SHISA9: variants seen among roughly 807,000 people sequenced by gnomAD.
SHISA9 encodes the protein shisa family member 9.
Under a neutral mutation model 38.0 loss-of-function variants are expected in SHISA9, and 13 were observed. The observed-to-expected ratio is 0.34, with a 90% CI of 0.22 to 0.54. The LOEUF (loss-of-function observed/expected upper bound fraction) is 0.54, where lower values mean the gene tolerates loss of function less well. Ranked by LOEUF, SHISA9 falls within the 20% of genes least tolerant of loss-of-function variation. The pLI, the probability that SHISA9 is intolerant of heterozygous loss-of-function variation, is 0.91. For synonymous variants in SHISA9, 275 were observed against 242.0 expected (o/e 1.14, Z -1.27); for missense variants, 538 against 575.8 (o/e 0.93, Z 0.67).
At chr16:13,064,180 C>T (rs2073407764) in intron 2 of SHISA9, among the ~76,000 whole-genome samples, 1 of 152,160 alleles carries the variant, frequency 6.6e-6, no homozygotes, top group African/African-American at 2.4e-5. Context: ...TATTTTGACT[C>T]AACTTTTGCA....
At chr16:13,366,973 G>T in the SHISA9 span, among the ~76,000 whole-genome samples, 1 of 121,520 alleles carries the variant, frequency 8.2e-6, no homozygotes, top group African/African-American at 3.1e-5. Flanking sequence ...ACAGGGTGAG[G>T]CTCCATCTCA....
the SHISA9 span, among the ~76,000 whole-genome samples, chr16:13,467,830 C>G: frequency 1.3e-5 from 2 of 152,318 alleles, no homozygotes; most frequent in South Asian, 4.1e-4. Flanking sequence ...CACCTAACAC[C>G]AGGTTCATTT....
chr16:13,205,672 C>T (rs961582670), intron 3 of SHISA9, among the ~76,000 whole-genome samples: 1 of 152,224 alleles, frequency 6.6e-6, no homozygotes, highest in African/African-American at 2.4e-5. Flanking sequence ...TTCTCCAGAG[C>T]TCCCTGGTCT....
chr16:13,150,783 A>T (rs1204837447), intron 2 of SHISA9, among the ~76,000 whole-genome samples: 1 of 152,196 alleles, frequency 6.6e-6, no homozygotes, highest in African/African-American at 2.4e-5. Flanking sequence ...TTAACCCTTG[A>T]TTTACTTAGT....
chr16:13,391,334 G>A, the SHISA9 span, among the ~76,000 whole-genome samples: 7 of 152,152 alleles, frequency 4.6e-5, no homozygotes, highest in Admixed American at 4.6e-4. Flanking sequence ...CTGAGGTCTT[G>A]CCTTTGTAAG....
chr16:13,541,010 T>G, the SHISA9 span, among the ~76,000 whole-genome samples: 2 of 152,164 alleles, frequency 1.3e-5, no homozygotes, highest in African/African-American at 4.8e-5. Flanking sequence ...ACAGACCTAC[T>G]ACCCGGGTGT....
intron 2 of SHISA9, among the ~76,000 whole-genome samples, chr16:13,079,151 C>T (rs973397030): frequency 6.6e-6 from 1 of 152,164 alleles, no homozygotes; most frequent in Non-Finnish European, 1.5e-5. Context: ...ATGCCGAGCA[C>T]AGCCCTTGGC....
chr16:13,462,231 C>T, the SHISA9 span, among the ~76,000 whole-genome samples: 8 of 151,720 alleles, frequency 5.3e-5, no homozygotes, highest in Admixed American at 2.6e-4. Flanking sequence ...CATGGTGAGA[C>T]CCCTACCTCT....
the SHISA9 span, among the ~76,000 whole-genome samples, chr16:13,498,566 G>A: frequency 1.3e-5 from 2 of 152,124 alleles, no homozygotes; most frequent in African/African-American, 4.8e-5. Context: ...AGACCAACCT[G>A]ACCGACACGG....
the SHISA9 span, among the ~76,000 whole-genome samples, chr16:13,442,111 C>G: frequency 6.6e-6 from 1 of 152,224 alleles, no homozygotes; most frequent in African/African-American, 2.4e-5. Flanking sequence ...AGCACATTGC[C>G]AGATCTTCCA....
At chr16:13,091,055 T>A (rs1205064017) in intron 2 of SHISA9, among the ~76,000 whole-genome samples, 2 of 152,236 alleles carry the variant, frequency 1.3e-5, no homozygotes, top group Non-Finnish European at 2.9e-5. Flanking sequence ...CCTTCATTTA[T>A]GAAGCTTAGT....
At chr16:13,062,429 A>G (rs918065908) in intron 2 of SHISA9, among the ~76,000 whole-genome samples, 1 of 152,206 alleles carries the variant, frequency 6.6e-6, no homozygotes, top group African/African-American at 2.4e-5. Context: ...TGTGTGACCT[A>G]GAGCAGATTG....
chr16:13,221,821 C>T (rs1345119768), intron 4 of SHISA9, among the ~76,000 whole-genome samples: 3 of 152,158 alleles, frequency 2.0e-5, no homozygotes, highest in Non-Finnish European at 2.9e-5. Context: ...TCCCAGCTAA[C>T]CCCTGGTTCA....
At chr16:13,372,253 G>A in the SHISA9 span, among the ~76,000 whole-genome samples, 5 of 152,274 alleles carry the variant, frequency 3.3e-5, no homozygotes, top group East Asian at 9.7e-4. Flanking sequence ...TTAAACCTCA[G>A]AGTTATTAAA....
rs1431660980 is a variant in SHISA9 at position 13,239,038 on chromosome 16, A to G, written c.*3629A>G. On this transcript the variant is annotated 3_prime_UTR_variant, in exon 5 of 5. Transcript: ENST00000558583. ...GTGTGATGTTCCCCTTCTTGTGTCCATGTGTTCTCATTGTTCAATTCCCAT... is the reference window on the plus strand; with the variant it reads ...GTGTGATGTTCCCCTTCTTGTGTCCGTGTGTTCTCATTGTTCAATTCCCAT... 1 of 121,164 alleles carries G rather than the reference A, an allele frequency of 8.3e-6. No homozygotes were observed. The highest frequency in any genetic ancestry group is 2.6e-4 in the East Asian group (1 of 3,914). 7.5% of individuals were successfully genotyped at this position (121,164 alleles called of 1,614,324 possible).
chr16:13,150,369 C>T (rs992527659), intron 2 of SHISA9, among the ~76,000 whole-genome samples: 2 of 152,126 alleles, frequency 1.3e-5, no homozygotes, highest in Non-Finnish European at 2.9e-5. Flanking sequence ...ACTTGGGTTT[C>T]CTCTGATCTG....
chr16:13,417,855 G>A, the SHISA9 span, among the ~76,000 whole-genome samples: 193 of 152,272 alleles, frequency 1.3e-3, 1 homozygote, highest in African/African-American at 4.3e-3. Flanking sequence ...CAACATGCTC[G>A]AATGCTGGCA....
intron 4 of SHISA9, among the ~76,000 whole-genome samples, chr16:13,229,281 A>G (rs1451474142): frequency 2.6e-5 from 4 of 152,252 alleles, no homozygotes; most frequent in Non-Finnish European, 4.4e-5. Flanking sequence ...ATGATAATGA[A>G]TGAACTGCAC....
At chr16:13,510,467 A>G in the SHISA9 span, among the ~76,000 whole-genome samples, 101 of 152,348 alleles carry the variant, frequency 6.6e-4, 1 homozygote, top group African/African-American at 2.0e-3. Context: ...CTACTGTGAT[A>G]GAGAAACATC....
Sources: allele counts gnomAD v4.1 joint callset (sites outside exome capture counted in the v4.1 genomes callset), GRCh38; gene constraint gnomAD v4.1.1; transcripts MANE v1.5; gene names NCBI Gene and HGNC (gene_info 2026-07-23, HGNC 2026-07-21).